LPP: variants seen among roughly 807,000 people sequenced by gnomAD.
LPP encodes the protein lipoma-preferred partner.
In LPP, 38 loss-of-function variants were observed where a neutral mutation model predicts 60.4. The observed-to-expected ratio is 0.63, with a 90% CI of 0.49 to 0.83. The LOEUF (loss-of-function observed/expected upper bound fraction) is 0.83, where lower values mean the gene tolerates loss of function less well. Ranked by LOEUF, LPP falls within the 40% of genes least tolerant of loss-of-function variation. The pLI is 0.00. For missense variants in LPP, 902 were observed against 783.6 expected, an observed-to-expected ratio of 1.15 and a Z score of -1.80; for synonymous variants, 328 against 290.8, an observed-to-expected ratio of 1.13 and a Z score of -1.30.
At chr3:188,253,464 T>G (rs1730634867) in intron 2 of LPP, among the ~76,000 whole-genome samples, 1 of 152,196 alleles carries the variant, frequency 6.6e-6, no homozygotes, top group African/African-American at 2.4e-5. Flanking sequence ...AATGGTTATC[T>G]GCTGTCTCAA....
In LPP at chr3:188,872,699, A is replaced by G. The variant is rs777898649; in HGVS notation, c.1646A>G (p.Gln549Arg). 16 of 1,614,204 alleles carry G rather than the reference A, an allele frequency of 9.9e-6. No homozygotes were observed. The highest frequency in any genetic ancestry group is 5.0e-5 in the Admixed American group (3 of 60,022). Reference protein sequence around the residue: ...CKEPIMPAPGQEETVRIVALD... With the variant: ...CKEPIMPAPGREETVRIVALD... ...GAGCCTATTATGCCAGCCCCGGGCCAGGAGGAGACTGTCCGTATTGTGGCT... is the reference window on the plus strand; with the variant it reads ...GAGCCTATTATGCCAGCCCCGGGCCGGGAGGAGACTGTCCGTATTGTGGCT... Residue 549 changes from glutamine to arginine, a missense_variant, in exon 11 of 12, where the codon CAG becomes CGG. By Grantham distance (43) the Gln-to-Arg change is conservative. Coordinates refer to ENST00000617246, the MANE Select transcript of LPP (RefSeq NM_001375462.1).
chr3:188,198,786 A>G (rs1404155502), intron 1 of LPP, among the ~76,000 whole-genome samples: 3 of 152,064 alleles, frequency 2.0e-5, no homozygotes, highest in African/African-American at 4.8e-5. Context: ...CCCTAGAGAA[A>G]CTGGTGTCCA....
chr3:188,767,269 AG>A (rs1340306761), intron 9 of LPP, among the ~76,000 whole-genome samples: 1 of 152,194 alleles, frequency 6.6e-6, no homozygotes, highest in African/African-American at 2.4e-5. Flanking sequence ...ATAGAAGAAA[AG>A]TACCATTCAG....
rs1472849377 is a variant in LPP at position 188,352,038 on chromosome 3, A to T, written c.-10+10319A>T. On this transcript the variant is annotated intron_variant, in intron 3 of 11. Transcript: ENST00000617246. The surrounding 1 kb of genome is among the most constrained non-coding windows in gnomAD (Gnocchi z 4.4). ...CTAGCTAGCCTCGACCTCAACGTGT[A>T]TTATTTCCTCCCCCCTTGTCATTTT... Among the ~76,000 whole-genome samples the T allele has an allele frequency of 6.6e-6, 1 of 152,054 alleles. No individual in the cohort carries two copies. The highest frequency in any genetic ancestry group is 1.5e-5 in the Non-Finnish European group (1 of 68,006).
intron 7 of LPP, among the ~76,000 whole-genome samples, chr3:188,695,529 C>T (rs929266103): frequency 4.6e-5 from 7 of 152,212 alleles, no homozygotes; most frequent in African/African-American, 1.4e-4. Flanking sequence ...AATATTAGCA[C>T]ATGCCATGTG....
At chr3:188,838,521 T>C (rs1303929212) in intron 9 of LPP, among the ~76,000 whole-genome samples, 1 of 152,232 alleles carries the variant, frequency 6.6e-6, no homozygotes, top group Admixed American at 6.5e-5. Context: ...CCTGAAAATA[T>C]ACAGCTTTAG....
At chr3:188,605,127 A>C (rs557110711) in intron 6 of LPP, among the ~76,000 whole-genome samples, 39 of 152,316 alleles carry the variant, frequency 2.6e-4, no homozygotes, top group Non-Finnish European at 4.0e-4. Context: ...CAATATGATT[A>C]GATTTGCATT....
chr3:188,552,037 A>T (rs942964801), intron 6 of LPP, among the ~76,000 whole-genome samples: 1 of 152,194 alleles, frequency 6.6e-6, no homozygotes, highest in Non-Finnish European at 1.5e-5. Context: ...AGAAAAAAAT[A>T]TTGCATTGTA....
At chr3:188,516,333 T>G (rs1817353835) in intron 5 of LPP, among the ~76,000 whole-genome samples, 1 of 152,194 alleles carries the variant, frequency 6.6e-6, no homozygotes. Context: ...TTTTCTGCAA[T>G]TCTCACTACT....
intron 10 of LPP, 28 bp downstream of exon 10, chr3:188,866,406 C>T (rs989014884): frequency 6.4e-6 from 9 of 1,406,830 alleles, no homozygotes; most frequent in Non-Finnish European, 8.4e-6. Context: ...TCGTCACCAC[C>T]CTGCCAGTCC....
intron 1 of LPP, among the ~76,000 whole-genome samples, chr3:188,173,214 T>TTTTCTA (rs1319373627): frequency 3.3e-5 from 5 of 152,096 alleles, no homozygotes; most frequent in African/African-American, 7.2e-5. Context: ...GAAAAGCCTA[T>TTTTCTA]TACAGGTCAG....
Position 188,884,617 on chromosome 3 carries a change from A to C in LPP, c.*10138A>C. On this transcript the variant is annotated 3_prime_UTR_variant, in exon 12 of 12. Transcript: ENST00000617246. Reference sequence around the variant, plus strand: ...TTCCTTTACATTCCATTCACCAAAAACCTCTCTGGAACTGTCAGGTTCAGA... The same window carrying C: ...TTCCTTTACATTCCATTCACCAAAACCCTCTCTGGAACTGTCAGGTTCAGA... The C allele has an allele frequency of 4.3e-6, 1 of 230,174 alleles. No individual in the cohort carries two copies. Among genetic ancestry groups the C allele is most frequent in the African/African-American group, 2.2e-5 (1 of 45,214 alleles). The allele number at this position is 230,174 out of a possible 1,614,324, so 14.3% of individuals were successfully genotyped here.
chr3:188,557,646 C>T (rs1418603950), intron 6 of LPP, among the ~76,000 whole-genome samples: 1 of 151,982 alleles, frequency 6.6e-6, no homozygotes, highest in Admixed American at 6.6e-5. Flanking sequence ...TAGTCCATGC[C>T]ACAAACACTG....
At chr3:188,733,015 T>C (rs1721197998) in intron 8 of LPP, among the ~76,000 whole-genome samples, 1 of 151,894 alleles carries the variant, frequency 6.6e-6, no homozygotes, top group Admixed American at 6.6e-5. Context: ...GGCATCAAAG[T>C]CGAAGAATCC....
At chr3:188,372,507 G>A (rs1273609224) in intron 3 of LPP, among the ~76,000 whole-genome samples, 2 of 151,948 alleles carry the variant, frequency 1.3e-5, no homozygotes, top group African/African-American at 4.8e-5. Context: ...TGTAAGAAAT[G>A]TTTTCAGACC....
chr3:188,721,098 C>A (rs771048594), intron 8 of LPP, among the ~76,000 whole-genome samples: 1 of 152,114 alleles, frequency 6.6e-6, no homozygotes, highest in African/African-American at 2.4e-5. Context: ...TGTAAACTAT[C>A]CATAGTATTA....
intron 2 of LPP, among the ~76,000 whole-genome samples, chr3:188,258,088 C>T (rs1316320425): frequency 6.6e-6 from 1 of 152,204 alleles, no homozygotes; most frequent in African/African-American, 2.4e-5. Flanking sequence ...GCTGACAGGC[C>T]CACGGGGCCC....
chr3:188,781,549 A>G (rs980276259), intron 9 of LPP, among the ~76,000 whole-genome samples: 1 of 152,014 alleles, frequency 6.6e-6, no homozygotes, highest in Non-Finnish European at 1.5e-5. Context: ...GGCAGGAGAG[A>G]GAATGAGAGA....
chr3:188,836,988 A>T (rs1444902694), intron 9 of LPP, among the ~76,000 whole-genome samples: 1 of 152,174 alleles, frequency 6.6e-6, no homozygotes, highest in African/African-American at 2.4e-5. Context: ...GAATTAAAAT[A>T]TTGTGCCTTC....
Sources: gnomAD v4.1 joint callset for allele counts (sites outside exome capture counted in the v4.1 genomes callset) on GRCh38, gnomAD v4.1.1 for gene constraint, Gnocchi (gnomAD v3.1) non-coding constraint, MANE v1.5 for transcripts, NCBI Gene and HGNC (gene_info 2026-07-23, HGNC 2026-07-21) for gene names.